Variants in MMP16 observed in about 807,000 individuals in gnomAD.
The protein encoded by MMP16 is matrix metalloproteinase-16.
Under a neutral mutation model 67.8 loss-of-function variants are expected in MMP16, and 12 were observed. The observed-to-expected ratio is 0.18, with a 90% CI of 0.11 to 0.29. The LOEUF (loss-of-function observed/expected upper bound fraction) is 0.29. Among genes scored for constraint, MMP16 ranks in the 10% least tolerant of loss-of-function variants. MMP16 has a pLI of 1.00. For missense variants in MMP16, 475 were observed against 765.7 expected (o/e 0.62, Z 4.48); for synonymous variants, 249 against 255.9 (o/e 0.97, Z 0.26).
chr8:88,279,704 T>C lies in MMP16; in HGVS notation c.132+47371A>G, dbSNP rs181354605. ...GGGCCACTGCATTTGGTAATCAAAATGGAAAAACAAAATATGGAGGGAGGA... is the reference window on the plus strand; with the variant it reads ...GGGCCACTGCATTTGGTAATCAAAACGGAAAAACAAAATATGGAGGGAGGA... On this transcript the variant is annotated intron_variant, in intron 1 of 9. Coordinates refer to ENST00000286614, the MANE Select transcript of MMP16 (RefSeq NM_005941.5). Among the ~76,000 whole-genome samples the C allele has an allele frequency of 1.7e-3, 263 of 152,270 alleles. 1 individual carries two copies. Among genetic ancestry groups the C allele is most frequent in the Middle Eastern group, 0.017 (5 of 294 alleles).
chr8:88,109,048 C>T (rs1809289842), intron 6 of MMP16, among the ~76,000 whole-genome samples: 1 of 151,280 alleles, frequency 6.6e-6, no homozygotes, highest in African/African-American at 2.4e-5. Context: ...GAACTTCTCT[C>T]ATGAAGGTTA....
intron 4 of MMP16, among the ~76,000 whole-genome samples, chr8:88,135,181 C>A (rs531501417): frequency 2.0e-5 from 3 of 151,800 alleles, no homozygotes; most frequent in African/African-American, 4.8e-5. Flanking sequence ...ATTAAGCAAA[C>A]ATTTATTGAG....
chr8:88,107,243 T>C (rs1809258452), intron 6 of MMP16, among the ~76,000 whole-genome samples: 1 of 151,164 alleles, frequency 6.6e-6, no homozygotes, highest in South Asian at 2.1e-4. Context: ...TATATAATCT[T>C]TAATATTACC....
At chr8:88,136,885 C>A (rs1203999633) in intron 4 of MMP16, among the ~76,000 whole-genome samples, 2 of 151,812 alleles carry the variant, frequency 1.3e-5, no homozygotes, top group East Asian at 3.9e-4. Flanking sequence ...CTCCCCACCC[C>A]CTACTAAAAT....
At chr8:88,081,506 T>C (rs1808750764) in intron 6 of MMP16, among the ~76,000 whole-genome samples, 1 of 152,116 alleles carries the variant, frequency 6.6e-6, no homozygotes, top group Non-Finnish European at 1.5e-5. Flanking sequence ...TCCCAGCTAC[T>C]TGGGAGGCTG....
chr8:88,283,511 T>C lies in MMP16; in HGVS notation c.132+43564A>G, dbSNP rs28986508. Reference sequence around the variant, plus strand: ...ACGATAGGCATAATGTGGTTAGCACTTTACAGAAACTTGACAGGGCTATGC... The same window carrying C: ...ACGATAGGCATAATGTGGTTAGCACCTTACAGAAACTTGACAGGGCTATGC... On this transcript the variant is annotated intron_variant, in intron 1 of 9. Transcript: ENST00000286614. Among the ~76,000 whole-genome samples, 311 of 152,288 alleles carry C rather than the reference T, an allele frequency of 2.0e-3. 4 individuals are homozygous for C. In the East Asian group the frequency reaches 0.051, roughly 25 times the overall value.
At chr8:88,257,339 G>C (rs1397653189) in intron 1 of MMP16, among the ~76,000 whole-genome samples, 1 of 152,210 alleles carries the variant, frequency 6.6e-6, no homozygotes, top group Non-Finnish European at 1.5e-5. Flanking sequence ...GAGTAGAGTA[G>C]AGAAAGGAGT....
intron 1 of MMP16, among the ~76,000 whole-genome samples, chr8:88,206,343 A>C (rs1439892836): frequency 6.6e-6 from 1 of 152,204 alleles, no homozygotes; most frequent in Non-Finnish European, 1.5e-5. Context: ...GATGATAAAA[A>C]AAAATAAATT....
At chr8:88,116,263 A>G (rs1586159356) in intron 6 of MMP16, among the ~76,000 whole-genome samples, 2 of 152,012 alleles carry the variant, frequency 1.3e-5, no homozygotes, top group East Asian at 3.9e-4. Flanking sequence ...CATTTTTTTT[A>G]CCCTCACATT....
At chr8:88,164,887 AG>A (rs1808686380) in intron 4 of MMP16, among the ~76,000 whole-genome samples, 1 of 151,896 alleles carries the variant, frequency 6.6e-6, no homozygotes, top group East Asian at 1.9e-4. Flanking sequence ...GTTATATTTC[AG>A]AATTTCTTCC....
At chr8:88,162,116 A>G (rs73694255) in intron 4 of MMP16, among the ~76,000 whole-genome samples, 11,557 of 152,062 alleles carry the variant, frequency 0.076, 462 homozygotes, top group South Asian at 0.11. Context: ...TAACATAGTG[A>G]CATATTTTTG....
At chr8:88,215,089 G>A (rs1207130392) in intron 1 of MMP16, among the ~76,000 whole-genome samples, 1 of 152,172 alleles carries the variant, frequency 6.6e-6, no homozygotes, top group Admixed American at 6.5e-5. Context: ...CAGCACTTTG[G>A]GAGGCCAAGG....
At chr8:88,144,371 AT>A (rs1432214019) in intron 4 of MMP16, among the ~76,000 whole-genome samples, 2 of 152,058 alleles carry the variant, frequency 1.3e-5, no homozygotes, top group East Asian at 3.9e-4. Flanking sequence ...ACTCTAAAAA[AT>A]AACCTAAATT....
intron 4 of MMP16, among the ~76,000 whole-genome samples, chr8:88,140,728 A>G (rs1243169233): frequency 1.3e-5 from 2 of 152,170 alleles, no homozygotes; most frequent in Non-Finnish European, 2.9e-5. Flanking sequence ...AGCATATTTC[A>G]TAACATTTTG....
intron 6 of MMP16, among the ~76,000 whole-genome samples, chr8:88,091,163 A>G (rs541573579): frequency 1.3e-4 from 19 of 151,648 alleles, no homozygotes; most frequent in Non-Finnish European, 2.7e-4. Flanking sequence ...ATTTTCTCCT[A>G]CTCCCAAAGA....
chr8:88,087,477 T>G (rs1184841217), intron 6 of MMP16, among the ~76,000 whole-genome samples: 3 of 151,906 alleles, frequency 2.0e-5, no homozygotes, highest in African/African-American at 7.3e-5. Context: ...AAGGAGATGT[T>G]TCATGATATG....
intron 2 of MMP16, among the ~76,000 whole-genome samples, chr8:88,196,562 T>A (rs1232278922): frequency 6.6e-6 from 1 of 152,040 alleles, no homozygotes; most frequent in Non-Finnish European, 1.5e-5. Context: ...AAAAGCAAAA[T>A]TATTAAAAAA....
At chr8:88,247,267 T>C (rs1429052930) in intron 1 of MMP16, among the ~76,000 whole-genome samples, 1 of 152,168 alleles carries the variant, frequency 6.6e-6, no homozygotes, top group Admixed American at 6.6e-5. Context: ...AAAAGTCTAT[T>C]GTGATAACTC....
chr8:88,176,801 C>CA (rs2129727036), intron 3 of MMP16, among the ~76,000 whole-genome samples: 1 of 152,222 alleles, frequency 6.6e-6, no homozygotes, highest in African/African-American at 2.4e-5. Flanking sequence ...TGCTAATACC[C>CA]AAAACTGCCT....
Sources: gnomAD v4.1 joint callset for allele counts (sites outside exome capture counted in the v4.1 genomes callset) on GRCh38, gnomAD v4.1.1 for gene constraint, MANE v1.5 for transcripts, NCBI Gene and HGNC (gene_info 2026-07-23, HGNC 2026-07-21) for gene names.